The following ADAM23 variants were observed in gnomAD, a reference collection of about 807,000 sequenced individuals.
ADAM23 encodes disintegrin and metalloproteinase domain-containing protein 23.
ADAM23 carries 33 observed loss-of-function variants against 120.1 expected under a neutral mutation model. That is an observed-to-expected ratio of 0.27 (90% CI 0.21 to 0.37). ADAM23 has a LOEUF of 0.37. Ranked by LOEUF, ADAM23 falls within the 10% of genes least tolerant of loss-of-function variation. The pLI, the probability that ADAM23 is intolerant of heterozygous loss-of-function variation, is 1.00. For missense variants in ADAM23, 862 were observed against 1,058.2 expected, an observed-to-expected ratio of 0.81 and a Z score of 2.57; for synonymous variants, 367 against 375.2, an observed-to-expected ratio of 0.98 and a Z score of 0.25.
At chr2:206,471,160 C>G (rs1483758784) in intron 2 of ADAM23, among the ~76,000 whole-genome samples, 5 of 152,230 alleles carry the variant, frequency 3.3e-5, no homozygotes, top group African/African-American at 1.2e-4. Context: ...TACATGTTTT[C>G]AGTAATTTAT....
chr2:206,516,731 C>T (rs575241658), intron 3 of ADAM23, among the ~76,000 whole-genome samples: 2 of 152,258 alleles, frequency 1.3e-5, no homozygotes, highest in South Asian at 4.1e-4. Context: ...TGGGAGGGCA[C>T]AGACGTTCAC....
intron 3 of ADAM23, among the ~76,000 whole-genome samples, chr2:206,493,716 G>A (rs533719384): frequency 3.3e-5 from 5 of 152,316 alleles, no homozygotes; most frequent in South Asian, 4.1e-4. Flanking sequence ...AAAGTTTCAC[G>A]TCCTTTAATA....
intron 24 of ADAM23, among the ~76,000 whole-genome samples, chr2:206,603,161 C>G (rs927757967): frequency 2.6e-5 from 4 of 151,856 alleles, no homozygotes; most frequent in African/African-American, 9.7e-5. Flanking sequence ...GAATAAATTA[C>G]AGAATAGATA....
chr2:206,609,918 G>A lies in ADAM23; in HGVS notation c.2368G>A (p.Ala790Thr). ...ATGATCCTTTGTCACAGGTCCTAGT[G>A]CCACCAATCTCATAATAGGCTCCAT... ...PKDEGPKGPS[A>T]TNLIIGSIAG... The change falls in exon 25 of 26, where the codon GCC becomes ACC. Residue 790 changes from alanine (A) to threonine (T), a missense_variant. Transcript: ENST00000264377. 6.3e-7 allele frequency: 1 copy of A among 1,599,494 alleles called. No individual in the cohort carries two copies. The highest frequency in any genetic ancestry group is 8.5e-7 in the Non-Finnish European group (1 of 1,175,078).
chr2:206,513,327 G>A (rs1263173919), intron 3 of ADAM23, among the ~76,000 whole-genome samples: 1 of 152,138 alleles, frequency 6.6e-6, no homozygotes, highest in African/African-American at 2.4e-5. Context: ...AGTGAACACA[G>A]GAATGATAAG....
intron 3 of ADAM23, among the ~76,000 whole-genome samples, chr2:206,487,568 T>C (rs1331955464): frequency 1.3e-5 from 2 of 152,198 alleles, no homozygotes; most frequent in Non-Finnish European, 1.5e-5. Context: ...TGACACGACT[T>C]GCAGGCTATT....
chr2:206,598,943 A>C lies in ADAM23; in HGVS notation c.2359+2781A>C, dbSNP rs1303842323. On this transcript the variant is annotated intron_variant, in intron 24 of 25. Coordinates refer to ENST00000264377, the MANE Select transcript of ADAM23 (RefSeq NM_003812.4). The stretch of plus-strand genomic sequence containing the variant: ...AAAGAGGCCAGGCACGGTGGCTTAC[A>C]CCTGTTATCCCAGCACTTTGGGAGG... Among the ~76,000 whole-genome samples the C allele has an allele frequency of 4.0e-5, 6 of 148,792 alleles. No homozygotes were observed. In the East Asian group the frequency reaches 1.2e-3, roughly 30 times the overall value.
intron 3 of ADAM23, among the ~76,000 whole-genome samples, chr2:206,515,516 G>T (rs796366040): frequency 1.3e-5 from 2 of 152,126 alleles, no homozygotes; most frequent in African/African-American, 4.8e-5. Context: ...GAAGGATTTG[G>T]TTTGTCTTAC....
At chr2:206,534,170 C>T (rs117762427) in intron 4 of ADAM23, among the ~76,000 whole-genome samples, 2,434 of 152,166 alleles carry the variant, frequency 0.016, 130 homozygotes, top group Admixed American at 0.1. Context: ...CAGTTGCTCC[C>T]CAGTCTCTCT....
chr2:206,579,008 T>A (rs998246636), intron 18 of ADAM23, among the ~76,000 whole-genome samples: 1 of 152,240 alleles, frequency 6.6e-6, no homozygotes, highest in South Asian at 2.1e-4. Flanking sequence ...TGAGCATCTT[T>A]TCATATGTTT....
intron 3 of ADAM23, among the ~76,000 whole-genome samples, chr2:206,496,182 A>C (rs1329278268): frequency 6.6e-6 from 1 of 152,148 alleles, no homozygotes; most frequent in African/African-American, 2.4e-5. Flanking sequence ...CTACACCCCA[A>C]ATCAACAGAA....
At chr2:206,606,260 G>A (rs1044415748) in intron 24 of ADAM23, among the ~76,000 whole-genome samples, 3 of 152,048 alleles carry the variant, frequency 2.0e-5, no homozygotes, top group Non-Finnish European at 4.4e-5. Flanking sequence ...AAGTTAATCT[G>A]TGCCAGTCAA....
At chr2:206,448,121 A>T (rs1377120114) in intron 2 of ADAM23, among the ~76,000 whole-genome samples, 1 of 152,204 alleles carries the variant, frequency 6.6e-6, no homozygotes, top group African/African-American at 2.4e-5. Context: ...GCATAGAGTG[A>T]TGTATAACCA....
intron 2 of ADAM23, among the ~76,000 whole-genome samples, chr2:206,447,438 A>G (rs1695104183): frequency 6.6e-6 from 1 of 152,256 alleles, no homozygotes; most frequent in African/African-American, 2.4e-5. Flanking sequence ...TCTATCCTCC[A>G]GGAGGCAGGA....
At chr2:206,482,214 G>T (rs1415703376) in intron 3 of ADAM23, among the ~76,000 whole-genome samples, 1 of 152,188 alleles carries the variant, frequency 6.6e-6, no homozygotes, top group Non-Finnish European at 1.5e-5. Flanking sequence ...AAGTCAGCTT[G>T]GGTGTTCCTT....
chr2:206,513,332 G>A (rs1696664744), intron 3 of ADAM23, among the ~76,000 whole-genome samples: 1 of 152,130 alleles, frequency 6.6e-6, no homozygotes, highest in South Asian at 2.1e-4. Flanking sequence ...ACACAGGAAT[G>A]ATAAGAAAGT....
At chr2:206,530,282 C>G (rs1183357221) in intron 3 of ADAM23, among the ~76,000 whole-genome samples, 1 of 152,176 alleles carries the variant, frequency 6.6e-6, no homozygotes, top group African/African-American at 2.4e-5. Context: ...AATGGCTGAG[C>G]TGAGTAGTTG....
intron 18 of ADAM23, among the ~76,000 whole-genome samples, chr2:206,578,678 GT>G (rs1310646998): frequency 6.6e-6 from 1 of 152,096 alleles, no homozygotes; most frequent in Non-Finnish European, 1.5e-5. Flanking sequence ...TGATTTTGCA[GT>G]TGTGAATTGT....
intron 17 of ADAM23, 53 bp downstream of exon 17, chr2:206,571,869 T>G: frequency 2.0e-6 from 3 of 1,468,950 alleles, no homozygotes; most frequent in Non-Finnish European, 1.9e-6. Flanking sequence ...TAGCCAGATA[T>G]CTCAGTGTGT....
Sources: gnomAD v4.1 joint callset for allele counts (sites outside exome capture counted in the v4.1 genomes callset) on GRCh38, gnomAD v4.1.1 for gene constraint, MANE v1.5 for transcripts, NCBI Gene and HGNC (gene_info 2026-07-23, HGNC 2026-07-21) for gene names.